The following DAB1 variants were observed in gnomAD, a reference collection of about 807,000 sequenced individuals.
DAB1 encodes disabled homolog 1.
DAB1 carries 15 observed loss-of-function variants against 64.6 expected under a neutral mutation model. The ratio of observed to expected loss-of-function variants is 0.23; its 90% CI spans 0.16 to 0.36. The LOEUF (loss-of-function observed/expected upper bound fraction) is 0.36, where lower values mean the gene tolerates loss of function less well. Ranked by LOEUF, DAB1 falls within the 10% of genes least tolerant of loss-of-function variation. The probability of loss-of-function intolerance (pLI) is 1.00; values close to 1 mark genes in which losing one functional copy is unlikely to be tolerated. For missense variants in DAB1, 596 were observed against 706.7 expected, an observed-to-expected ratio of 0.84 and a Z score of 1.78; for synonymous variants, 235 against 251.9, an observed-to-expected ratio of 0.93 and a Z score of 0.64.
chr1:57,244,973 A>T (rs11207001), intron 2 of DAB1, among the ~76,000 whole-genome samples: 13,526 of 152,158 alleles, frequency 0.089, 1,997 homozygotes, highest in African/African-American at 0.31. Flanking sequence ...TGTGGAAGTG[A>T]CTTTGGAACT....
At chr1:57,160,946 GA>G (rs1448331137) in intron 2 of DAB1, among the ~76,000 whole-genome samples, 1 of 152,076 alleles carries the variant, frequency 6.6e-6, no homozygotes, top group Admixed American at 6.6e-5. Flanking sequence ...ACTCCCACGG[GA>G]TAGTGGGAGC....
rs116533878 is a variant in DAB1 at position 57,471,106 on chromosome 1, A to C, written n.625+178486T>G. ...TAATCACCATACTGGAGTCGAATCA[A>C]GGAAGCAGATCATCTTACTTTTTCA... On this transcript the variant is annotated intron_variant and non_coding_transcript_variant, in intron 7 of 20. Transcript: ENST00000485760. Among the ~76,000 whole-genome samples, 636 of 152,356 alleles carry C rather than the reference A, an allele frequency of 4.2e-3. 2 individuals carry two copies. Among genetic ancestry groups the C allele is most frequent in the African/African-American group, 0.015 (608 of 41,588 alleles).
At chr1:57,368,620 G>C (rs1356126561) in intron 1 of DAB1, among the ~76,000 whole-genome samples, 2 of 152,108 alleles carry the variant, frequency 1.3e-5, no homozygotes, top group Non-Finnish European at 2.9e-5. Context: ...TCTGGTGAGA[G>C]CTGAACACTT....
In DAB1 at chr1:57,692,304, T is replaced by A. The variant is rs535882111; in HGVS notation, n.552-42639A>T. Among the ~76,000 whole-genome samples the A allele has an allele frequency of 1.3e-4, 20 of 152,148 alleles. No homozygotes were observed. In the South Asian group the frequency reaches 3.9e-3, roughly 30 times the overall value. Reference sequence around the variant, plus strand: ...TTTCTAGCCACTCCTAGAAGAATGATTTCTAGTATAAACTAAGAAGAGGGG... The same window carrying A: ...TTTCTAGCCACTCCTAGAAGAATGAATTCTAGTATAAACTAAGAAGAGGGG... On this transcript the variant is annotated intron_variant and non_coding_transcript_variant, in intron 6 of 20. Coordinates refer to the DAB1 transcript ENST00000485760.
chr1:57,877,971 G>A lies in DAB1; in HGVS notation n.87+6028C>T, dbSNP rs140352323. On this transcript the variant is annotated intron_variant and non_coding_transcript_variant, in intron 1 of 1. Coordinates refer to the DAB1 transcript ENST00000477280. ...AAAACCCTTATTATCCTGCTATGTAGAGAGGTTCACTCTTAATATCTTAAC... is the reference window on the plus strand; with the variant it reads ...AAAACCCTTATTATCCTGCTATGTAAAGAGGTTCACTCTTAATATCTTAAC... Among the ~76,000 whole-genome samples, 574 of 152,294 alleles carry A rather than the reference G, an allele frequency of 3.8e-3. 8 individuals are homozygous for A. The South Asian group carries it at 0.044, about 12-fold the overall frequency.
chr1:58,506,159 G>T, exon 3 of DAB1: 1 of 871,646 alleles, frequency 1.1e-6, no homozygotes, highest in South Asian at 1.3e-5. Flanking sequence ...GGCTATCAAC[G>T]AACTCCATTT....
intron 7 of DAB1, among the ~76,000 whole-genome samples, chr1:57,561,574 C>A (rs1301932235): frequency 6.6e-6 from 1 of 152,224 alleles, no homozygotes; most frequent in Non-Finnish European, 1.5e-5. Flanking sequence ...TGCTCACCAA[C>A]AGGTGACCTC....
intron 4 of DAB1, among the ~76,000 whole-genome samples, chr1:57,112,871 A>G (rs1655791000): frequency 6.6e-6 from 1 of 152,218 alleles, no homozygotes; most frequent in African/African-American, 2.4e-5. Context: ...TTCCAAGCCT[A>G]AGAAAACCAC....
At position 57,194,400 on chromosome 1, in the gene DAB1, A is replaced by G. The variant is rs142674125; in HGVS notation, c.68-48971T>C. Among the ~76,000 whole-genome samples, 4 of 152,308 alleles carry G rather than the reference A, an allele frequency of 2.6e-5. No homozygotes were observed. In the East Asian group the frequency reaches 7.7e-4, roughly 29 times the overall value. On this transcript the variant is annotated intron_variant, in intron 2 of 14. Coordinates refer to ENST00000371236, the MANE Select transcript of DAB1 (RefSeq NM_001365792.1). ...GAACAGCCCTTGGCACGTGGTAAGC[A>G]CTCAGTAAGTCCTAAATACTTTAAT... is the stretch of plus-strand genomic sequence containing the variant.
At chr1:57,083,688 T>C (rs926603860) in intron 4 of DAB1, among the ~76,000 whole-genome samples, 2 of 152,146 alleles carry the variant, frequency 1.3e-5, no homozygotes, top group Non-Finnish European at 2.9e-5. Flanking sequence ...GGATGCTGCA[T>C]TAGGAGTGAG....
intron 14 of DAB1, among the ~76,000 whole-genome samples, chr1:57,007,255 T>A (rs932942208): frequency 1.3e-5 from 2 of 152,226 alleles, no homozygotes; most frequent in Non-Finnish European, 2.9e-5. Context: ...TTGTTACAGA[T>A]GCTACTCTGA....
At chr1:57,695,660 G>A (rs1646835745) in intron 6 of DAB1, among the ~76,000 whole-genome samples, 1 of 152,196 alleles carries the variant, frequency 6.6e-6, no homozygotes, top group Non-Finnish European at 1.5e-5. Context: ...AGCACTTGGG[G>A]AGGCAGAGTG....
intron 4 of DAB1, among the ~76,000 whole-genome samples, chr1:58,221,292 G>A (rs1486965673): frequency 3.9e-5 from 6 of 152,120 alleles, no homozygotes; most frequent in East Asian, 1.9e-4. Context: ...CTGCCCACTC[G>A]TTGCTCACAA....
intron 1 of DAB1, among the ~76,000 whole-genome samples, chr1:57,383,876 G>T (rs1055064055): frequency 6.6e-6 from 1 of 151,962 alleles, no homozygotes; most frequent in Non-Finnish European, 1.5e-5. Flanking sequence ...GATACCAAAA[G>T]CACAAACAAC....
At chr1:57,591,865 C>T (rs760078854) in intron 7 of DAB1, among the ~76,000 whole-genome samples, 3 of 152,132 alleles carry the variant, frequency 2.0e-5, no homozygotes, top group Non-Finnish European at 2.9e-5. Flanking sequence ...GTAGGTGTAG[C>T]GGAGTCTTTC....
intron 4 of DAB1, among the ~76,000 whole-genome samples, chr1:58,237,502 T>C (rs1272914531): frequency 6.6e-6 from 1 of 152,142 alleles, no homozygotes; most frequent in Non-Finnish European, 1.5e-5. Context: ...CTGTTTTCAG[T>C]ATCACCTTGG....
At chr1:58,182,180 G>A (rs1271536266) in intron 4 of DAB1, among the ~76,000 whole-genome samples, 1 of 151,964 alleles carries the variant, frequency 6.6e-6, no homozygotes, top group Admixed American at 6.6e-5. Flanking sequence ...TATACAGTGA[G>A]TGTTTTTTTA....
intron 4 of DAB1, among the ~76,000 whole-genome samples, chr1:58,219,024 TC>T (rs1409660524): frequency 4.1e-5 from 5 of 121,616 alleles, no homozygotes; most frequent in African/African-American, 8.9e-5. Context: ...TCTCTCTCTC[TC>T]TGTGTGTGTG....
intron 7 of DAB1, among the ~76,000 whole-genome samples, chr1:57,523,165 C>T (rs1312449937): frequency 6.6e-6 from 1 of 152,112 alleles, no homozygotes; most frequent in African/African-American, 2.4e-5. Context: ...CTAGAGAACC[C>T]TGACGAATAC....
Sources: gnomAD v4.1 joint callset for allele counts (sites outside exome capture counted in the v4.1 genomes callset) on GRCh38, gnomAD v4.1.1 for gene constraint, MANE v1.5 for transcripts, NCBI Gene and HGNC (gene_info 2026-07-23, HGNC 2026-07-21) for gene names.